The following WDPCP variants were observed in gnomAD, a reference collection of about 807,000 sequenced individuals.
WDPCP encodes WD repeat-containing and planar cell polarity effector protein fritz homolog.
In WDPCP, 71 loss-of-function variants were observed where a neutral mutation model predicts 93.1. The observed-to-expected ratio is 0.76, with a 90% CI of 0.63 to 0.93. The LOEUF (loss-of-function observed/expected upper bound fraction) is 0.93. WDPCP is among the 40% of genes least tolerant of loss of function. The pLI is 0.00. For missense variants in WDPCP, 844 were observed against 887.4 expected (o/e 0.95, Z 0.62); for synonymous variants, 315 against 315.0 (o/e 1.00, Z 0.00).
At chr2:63,255,448 G>A (rs551318251) in intron 14 of WDPCP, among the ~76,000 whole-genome samples, 1 of 152,314 alleles carries the variant, frequency 6.6e-6, no homozygotes, top group African/African-American at 2.4e-5. Flanking sequence ...CATGAAGGCA[G>A]ATCCCTCTTA....
intron 9 of WDPCP, among the ~76,000 whole-genome samples, chr2:63,410,275 A>G (rs1434268568): frequency 6.6e-6 from 1 of 152,224 alleles, no homozygotes; most frequent in Non-Finnish European, 1.5e-5. Flanking sequence ...ACTAAGTATC[A>G]TATGTGAATG....
chr2:63,580,546 C>T (rs920610120), intron 1 of WDPCP, among the ~76,000 whole-genome samples: 3 of 151,934 alleles, frequency 2.0e-5, no homozygotes, highest in Non-Finnish European at 4.4e-5. Context: ...AATTTAACCA[C>T]AAAAAAACAT....
chr2:63,559,374 G>A (rs530194763), intron 1 of WDPCP, among the ~76,000 whole-genome samples: 4 of 152,240 alleles, frequency 2.6e-5, no homozygotes, highest in Admixed American at 2.0e-4. Context: ...AGACAAGGAT[G>A]CCCTCTCTCA....
At chr2:63,840,743 C>T in the WDPCP span, among the ~76,000 whole-genome samples, 6 of 152,252 alleles carry the variant, frequency 3.9e-5, no homozygotes, top group East Asian at 5.8e-4. Flanking sequence ...TGCTCTCCCT[C>T]ACTGAGATAT....
At chr2:63,442,561 T>G (rs1421062227) in intron 6 of WDPCP, 1 of 152,162 alleles carries the variant, frequency 6.6e-6, no homozygotes, top group East Asian at 1.9e-4. Flanking sequence ...CACATTTGTC[T>G]TTTTAAAAAC....
At chr2:63,675,214 A>G (rs914549495) in intron 2 of WDPCP, among the ~76,000 whole-genome samples, 1 of 152,138 alleles carries the variant, frequency 6.6e-6, no homozygotes, top group African/African-American at 2.4e-5. Context: ...CCATCTGCCT[A>G]CATGCCTCCT....
chr2:63,828,113 T>C (rs1671139730), upstream of WDPCP, among the ~76,000 whole-genome samples: 2 of 152,080 alleles, frequency 1.3e-5, no homozygotes, highest in Non-Finnish European at 2.9e-5. Context: ...CTGTCTTTTC[T>C]CCCTGGATGT....
intron 17 of WDPCP, among the ~76,000 whole-genome samples, chr2:63,142,140 C>T (rs1022768396): frequency 3.8e-4 from 58 of 152,040 alleles, no homozygotes; most frequent in African/African-American, 1.4e-3. Context: ...TCATTTAGTT[C>T]TGCTCTCATC....
chr2:63,253,450 A>C (rs62177819), intron 14 of WDPCP, among the ~76,000 whole-genome samples: 5,168 of 152,262 alleles, frequency 0.034, 119 homozygotes, highest in Non-Finnish European at 0.053. Flanking sequence ...AAGTAAACAG[A>C]CAGCCTACAG....
At chr2:63,138,280 G>A (rs1409556957) in intron 17 of WDPCP, among the ~76,000 whole-genome samples, 1 of 152,046 alleles carries the variant, frequency 6.6e-6, no homozygotes, top group African/African-American at 2.4e-5. Context: ...AATGCATAGT[G>A]TCAAGCTGCC....
chr2:63,630,195 C>T lies in WDPCP; in HGVS notation n.488+20464G>A, dbSNP rs538005031. Among the ~76,000 whole-genome samples the T allele has an allele frequency of 1.4e-4, 22 of 152,022 alleles. No individual in the cohort carries two copies. In the South Asian group the frequency reaches 2.1e-3, roughly 14 times the overall value. ...AATTCACAAACGTATTCAAGTAACC[C>T]ACAAGAATTAAGGAAAAATAAAATG... On this transcript the variant is annotated intron_variant and non_coding_transcript_variant, in intron 3 of 4. Coordinates refer to the WDPCP transcript ENST00000467687.
chr2:63,359,667 A>G (rs1230927300), intron 12 of WDPCP: 1 of 152,232 alleles, frequency 6.6e-6, no homozygotes, highest in African/African-American at 2.4e-5. Flanking sequence ...TTCCAGAGAA[A>G]TGAAATCACA....
At chr2:63,607,457 T>G (rs1046375892) in intron 3 of WDPCP, among the ~76,000 whole-genome samples, 2 of 150,390 alleles carry the variant, frequency 1.3e-5, no homozygotes, top group African/African-American at 4.9e-5. Context: ...GAATAGGTTG[T>G]CCCGGGGGGC....
intron 14 of WDPCP, among the ~76,000 whole-genome samples, chr2:63,195,271 T>G (rs554556289): frequency 9.2e-5 from 14 of 152,324 alleles, no homozygotes; most frequent in South Asian, 6.2e-4. Flanking sequence ...TCAAATAAAC[T>G]GTACTGAGTC....
In WDPCP at chr2:63,120,661, G is replaced by T; in HGVS notation, c.*1345C>A. Among the ~76,000 whole-genome samples the T allele has an allele frequency of 6.6e-6, 1 of 151,072 alleles. No homozygotes were observed. On this transcript the variant is annotated 3_prime_UTR_variant, in exon 18 of 18. Coordinates refer to ENST00000272321, the MANE Select transcript of WDPCP (RefSeq NM_015910.7). ...CCTGCTTCAGCCTCCCAAGTAGTTG[G>T]GACTACAGGTGCACGCCACCACGCC... is the stretch of plus-strand genomic sequence containing the variant.
chr2:63,378,531 G>A (rs757664161), intron 11 of WDPCP, 22 bp from the exon 12 acceptor site: 30 of 1,612,634 alleles, frequency 1.9e-5, no homozygotes, highest in Non-Finnish European at 2.1e-5. Context: ...AAACATAGCA[G>A]CACTAAAACA....
At chr2:63,689,232 T>C (rs187154190) in intron 2 of WDPCP, among the ~76,000 whole-genome samples, 2 of 152,046 alleles carry the variant, frequency 1.3e-5, no homozygotes, top group East Asian at 3.9e-4. Context: ...ATTTCTTTTT[T>C]AAAAAAATGA....
At chr2:63,606,772 T>TA (rs1192386906) in intron 3 of WDPCP, 1 of 899,376 alleles carries the variant, frequency 1.1e-6, no homozygotes, top group Non-Finnish European at 1.6e-6. Flanking sequence ...TTTAAAACGA[T>TA]ATACCTCTAA....
intron 1 of WDPCP, among the ~76,000 whole-genome samples, chr2:63,504,323 ATT>A (rs1491240017): frequency 2.1e-5 from 2 of 94,626 alleles, no homozygotes; most frequent in Non-Finnish European, 4.4e-5. Flanking sequence ...TACGTACTAA[ATT>A]GTGTGTGTGT....
Sources: allele counts gnomAD v4.1 joint callset (sites outside exome capture counted in the v4.1 genomes callset), GRCh38; gene constraint gnomAD v4.1.1; transcripts MANE v1.5; gene names NCBI Gene and HGNC (gene_info 2026-07-23, HGNC 2026-07-21).